The following NKAIN2 variants were observed in gnomAD, a reference collection of about 807,000 sequenced individuals.
NKAIN2 encodes the protein sodium/potassium-transporting ATPase subunit beta-1-interacting protein 2.
NKAIN2 carries 14 observed loss-of-function variants against 32.6 expected under a neutral mutation model. That is an observed-to-expected ratio of 0.43 (90% confidence interval 0.28 to 0.67). The LOEUF is 0.67. NKAIN2 is among the 30% of genes least tolerant of loss of function. NKAIN2 has a pLI of 0.17. For missense variants in NKAIN2, 198 were observed against 258.3 expected, an observed-to-expected ratio of 0.77 and a Z score of 1.60; for synonymous variants, 80 against 87.2, an observed-to-expected ratio of 0.92 and a Z score of 0.46.
At chr6:124,451,422 T>A (rs1452916624) in intron 3 of NKAIN2, among the ~76,000 whole-genome samples, 1 of 152,180 alleles carries the variant, frequency 6.6e-6, no homozygotes, top group Non-Finnish European at 1.5e-5. Context: ...TTTAGTTATA[T>A]AAGCTAGATG....
rs1773701524 is a variant in NKAIN2, at chr6:123,816,516, C to G, written c.54+12262C>G. ...AGGTGGCAAGCATTTGTAAGAGAAC[C>G]AATTATTTCTCCGTCAGCACCCAAC... On this transcript the variant is annotated intron_variant, in intron 1 of 6. Coordinates refer to ENST00000368417, the MANE Select transcript of NKAIN2 (RefSeq NM_001040214.3). 2.0e-5 allele frequency among the ~76,000 whole-genome samples: 3 copies of G among 152,130 alleles called. No individual in the cohort carries two copies. In the South Asian group the frequency reaches 6.2e-4, roughly 32 times the overall value.
intron 1 of NKAIN2, among the ~76,000 whole-genome samples, chr6:124,142,972 C>T (rs551968740): frequency 2.6e-5 from 4 of 152,246 alleles, no homozygotes; most frequent in South Asian, 4.1e-4. Flanking sequence ...CTAAAATCCA[C>T]GTACTTAACC....
intron 1 of NKAIN2, among the ~76,000 whole-genome samples, chr6:124,245,311 C>G (rs1582916689): frequency 6.6e-6 from 1 of 152,004 alleles, no homozygotes; most frequent in Admixed American, 6.6e-5. Context: ...TACTCAGCAG[C>G]TTAGTGAATA....
At chr6:124,408,052 T>C (rs1243468772) in intron 3 of NKAIN2, among the ~76,000 whole-genome samples, 1 of 152,186 alleles carries the variant, frequency 6.6e-6, no homozygotes, top group African/African-American at 2.4e-5. Flanking sequence ...TGTTTGTTTT[T>C]TTCTTGTAAA....
At chr6:124,608,677 T>A (rs766780140) in intron 3 of NKAIN2, among the ~76,000 whole-genome samples, 25 of 152,338 alleles carry the variant, frequency 1.6e-4, no homozygotes, top group Admixed American at 1.2e-3. Flanking sequence ...GATTTTATAA[T>A]GCTGGCAAAC....
At chr6:124,376,632 C>A (rs6937829) in intron 3 of NKAIN2, among the ~76,000 whole-genome samples, 29,677 of 152,030 alleles carry the variant, frequency 0.2, 3,166 homozygotes, top group Admixed American at 0.28. Flanking sequence ...CCCTACATCA[C>A]TGCCTTTGTT....
In NKAIN2 at chr6:124,175,010, A is replaced by T. The variant is rs1049710612; in HGVS notation, c.55-107995A>T. Among the ~76,000 whole-genome samples, 4 of 152,280 alleles carry T rather than the reference A, an allele frequency of 2.6e-5. No homozygotes were observed. The East Asian group carries it at 7.7e-4, about 29-fold the overall frequency. ...TAATTCACAGAATGATTCTCCTTTTACTTTGTGAATACCTGTATCTACCTT... is the reference window on the plus strand; with the variant it reads ...TAATTCACAGAATGATTCTCCTTTTTCTTTGTGAATACCTGTATCTACCTT... On this transcript the variant is annotated intron_variant, in intron 1 of 6. Transcript: ENST00000368417.
At chr6:123,810,051 T>C (rs997236295) in intron 1 of NKAIN2, among the ~76,000 whole-genome samples, 1 of 152,190 alleles carries the variant, frequency 6.6e-6, no homozygotes, top group Non-Finnish European at 1.5e-5. Flanking sequence ...TATTGGAAGC[T>C]TGTTCTTGGC....
chr6:124,667,742 G>A (rs926915011), intron 4 of NKAIN2, among the ~76,000 whole-genome samples: 1 of 151,902 alleles, frequency 6.6e-6, no homozygotes, highest in Non-Finnish European at 1.5e-5. Context: ...TCAAAGGAAG[G>A]GTATAAAGAT....
At chr6:124,285,692 G>A (rs1197498538) in intron 2 of NKAIN2, among the ~76,000 whole-genome samples, 1 of 152,104 alleles carries the variant, frequency 6.6e-6, no homozygotes, top group Non-Finnish European at 1.5e-5. Flanking sequence ...CTTGAACAGT[G>A]TGAGGATTAA....
At chr6:124,818,826 G>C (rs1416541821) in intron 6 of NKAIN2, among the ~76,000 whole-genome samples, 1 of 151,908 alleles carries the variant, frequency 6.6e-6, no homozygotes, top group African/African-American at 2.4e-5. Context: ...CATATGTTCT[G>C]GTTTCAGTTT....
chr6:123,991,390 C>T (rs551780361), intron 1 of NKAIN2, among the ~76,000 whole-genome samples: 2 of 151,924 alleles, frequency 1.3e-5, no homozygotes, highest in Non-Finnish European at 2.9e-5. Context: ...ATGAGGGCCT[C>T]TGATATTAAA....
intron 3 of NKAIN2, among the ~76,000 whole-genome samples, chr6:124,409,570 T>C (rs1199416987): frequency 6.6e-6 from 1 of 152,214 alleles, no homozygotes; most frequent in Non-Finnish European, 1.5e-5. Context: ...GATAAGCTTT[T>C]TGATGTGTTG....
At chr6:123,952,795 C>T (rs996235255) in intron 1 of NKAIN2, among the ~76,000 whole-genome samples, 1 of 151,748 alleles carries the variant, frequency 6.6e-6, no homozygotes, top group Non-Finnish European at 1.5e-5. Flanking sequence ...CTGAATTGTT[C>T]CTATTTTTTT....
intron 3 of NKAIN2, among the ~76,000 whole-genome samples, chr6:124,634,390 C>T (rs917771177): frequency 9.2e-5 from 14 of 152,038 alleles, no homozygotes; most frequent in African/African-American, 3.4e-4. Context: ...AGAAATTCAA[C>T]AGAAATAGAT....
chr6:124,469,473 ACTCT>A (rs767235457), intron 3 of NKAIN2, among the ~76,000 whole-genome samples: 1 of 152,076 alleles, frequency 6.6e-6, no homozygotes, highest in Non-Finnish European at 1.5e-5. Context: ...AATGAAAAAT[ACTCT>A]CTCTGTTTCT....
intron 4 of NKAIN2, among the ~76,000 whole-genome samples, chr6:124,760,289 G>A (rs2114733154): frequency 6.6e-6 from 1 of 151,478 alleles, no homozygotes; most frequent in South Asian, 2.1e-4. Flanking sequence ...GCAGAAAAAA[G>A]TAACTGTTGA....
intron 3 of NKAIN2, among the ~76,000 whole-genome samples, chr6:124,613,278 T>TTCA (rs1056283890): frequency 1.3e-5 from 2 of 152,184 alleles, no homozygotes; most frequent in African/African-American, 4.8e-5. Flanking sequence ...AGACAGTCCA[T>TTCA]TCATTCAACT....
chr6:124,457,089 C>G (rs1274650534), intron 3 of NKAIN2, among the ~76,000 whole-genome samples: 1 of 151,882 alleles, frequency 6.6e-6, no homozygotes, highest in African/African-American at 2.4e-5. Flanking sequence ...AGCACCTGCT[C>G]TGTGTGTACT....
Sources: gnomAD v4.1 joint callset for allele counts (sites outside exome capture counted in the v4.1 genomes callset) on GRCh38, gnomAD v4.1.1 for gene constraint, MANE v1.5 for transcripts, NCBI Gene and HGNC (gene_info 2026-07-23, HGNC 2026-07-21) for gene names.